The following GFRA1 variants were observed in gnomAD, a reference collection of about 807,000 sequenced individuals.
GFRA1 encodes GDNF family receptor alpha 1.
GFRA1 carries 16 observed loss-of-function variants against 51.6 expected under a neutral mutation model. The observed-to-expected ratio is 0.31, with a 90% CI of 0.21 to 0.47. GFRA1 has a LOEUF of 0.47. GFRA1 is among the 20% of genes least tolerant of loss of function. The probability of loss-of-function intolerance (pLI) is 1.00; values close to 1 mark genes in which losing one functional copy is unlikely to be tolerated. For synonymous variants in GFRA1, 270 were observed against 241.3 expected, an observed-to-expected ratio of 1.12 and a Z score of -1.10; for missense variants, 530 against 594.3, an observed-to-expected ratio of 0.89 and a Z score of 1.13.
chr10:116,215,850 G>A (rs770473692), intron 4 of GFRA1, among the ~76,000 whole-genome samples: 7 of 152,092 alleles, frequency 4.6e-5, no homozygotes, highest in African/African-American at 7.2e-5. Flanking sequence ...CATGGACAAA[G>A]GAAAGCCTGT....
chr10:116,183,278 C>T (rs149574065), intron 5 of GFRA1, among the ~76,000 whole-genome samples: 1 of 152,302 alleles, frequency 6.6e-6, no homozygotes, highest in African/African-American at 2.4e-5. Flanking sequence ...GTACCCCACA[C>T]TGGAAATCAA....
chr10:116,261,587 G>GC (rs1328726633), intron 4 of GFRA1, among the ~76,000 whole-genome samples: 2 of 151,964 alleles, frequency 1.3e-5, no homozygotes, highest in African/African-American at 4.8e-5. Context: ...CAAATAAGAT[G>GC]CCTTAAATAC....
At chr10:116,209,085 T>C (rs955512935) in intron 5 of GFRA1, among the ~76,000 whole-genome samples, 1 of 152,088 alleles carries the variant, frequency 6.6e-6, no homozygotes, top group Non-Finnish European at 1.5e-5. Flanking sequence ...TCAGACTCTG[T>C]GGTCTAAGCA....
chr10:116,230,787 T>G (rs150394591), intron 4 of GFRA1, among the ~76,000 whole-genome samples: 1 of 152,064 alleles, frequency 6.6e-6, no homozygotes, highest in Non-Finnish European at 1.5e-5. Flanking sequence ...TTATCAAAGC[T>G]ATCAGTGAGT....
intron 5 of GFRA1, among the ~76,000 whole-genome samples, chr10:116,182,961 G>A (rs549239790): frequency 1.8e-4 from 28 of 152,284 alleles, no homozygotes; most frequent in African/African-American, 6.7e-4. Context: ...GTGATGACCT[G>A]GCACAGTGTA....
chr10:116,229,239 A>G (rs187774320), intron 4 of GFRA1, among the ~76,000 whole-genome samples: 19 of 152,296 alleles, frequency 1.2e-4, no homozygotes, highest in Middle Eastern at 3.4e-3. Flanking sequence ...ATACACAACC[A>G]AACAGTGGGG....
At position 116,224,969 on chromosome 10, in the gene GFRA1, C is replaced by A. The variant is rs201600131; in HGVS notation, c.419-13324G>T. Among the ~76,000 whole-genome samples the A allele has an allele frequency of 1.7e-4, 26 of 152,250 alleles. No individual in the cohort carries two copies. In the East Asian group the frequency reaches 4.1e-3, roughly 24 times the overall value. On this transcript the variant is annotated intron_variant, in intron 4 of 10. Coordinates refer to ENST00000355422, the MANE Select transcript of GFRA1 (RefSeq NM_005264.8). Reference sequence around the variant, plus strand: ...TATGAACACATCTGAAGAACACACTCAAATGCTAGACACTATAGCTAGAGA... The same window carrying A: ...TATGAACACATCTGAAGAACACACTAAAATGCTAGACACTATAGCTAGAGA...
intron 5 of GFRA1, among the ~76,000 whole-genome samples, chr10:116,202,533 G>A (rs1205511099): frequency 6.6e-6 from 1 of 152,094 alleles, no homozygotes; most frequent in African/African-American, 2.4e-5. Flanking sequence ...CCGAGACTGG[G>A]TAATTCATAA....
At chr10:116,198,183 C>T (rs1168506334) in intron 5 of GFRA1, among the ~76,000 whole-genome samples, 3 of 152,076 alleles carry the variant, frequency 2.0e-5, no homozygotes, top group Non-Finnish European at 4.4e-5. Flanking sequence ...AGACCTCCCT[C>T]CCCAACGCCC....
intron 9 of GFRA1, among the ~76,000 whole-genome samples, chr10:116,068,214 A>G (rs1955206060): frequency 6.6e-6 from 1 of 152,196 alleles, no homozygotes; most frequent in South Asian, 2.1e-4. Context: ...CAGTCCACAC[A>G]CAGGACTCTA....
At chr10:116,249,381 G>A (rs747714228) in intron 4 of GFRA1, among the ~76,000 whole-genome samples, 76 of 152,066 alleles carry the variant, frequency 5.0e-4, no homozygotes, top group Non-Finnish European at 9.4e-4. Flanking sequence ...TGCAGATGTC[G>A]CCCCCAACAC....
chr10:116,107,992 T>C (rs2694798), intron 6 of GFRA1, among the ~76,000 whole-genome samples: 41,900 of 151,822 alleles, frequency 0.28, 7,338 homozygotes, highest in African/African-American at 0.5. Context: ...CCAAGTTCCG[T>C]GCCTTGGAAT....
intron 5 of GFRA1, among the ~76,000 whole-genome samples, chr10:116,143,980 T>C (rs1360299220): frequency 1.3e-5 from 2 of 152,180 alleles, no homozygotes; most frequent in Non-Finnish European, 2.9e-5. Context: ...AGGCTCTGAA[T>C]GACATCCCAT....
rs575832478 is a variant in GFRA1, at chr10:116,183,522, CCT to C, written c.433+28107_433+28108del. Among the ~76,000 whole-genome samples, 321 of 152,292 alleles carry C rather than the reference CCT, an allele frequency of 2.1e-3. 1 individual carries two copies. The highest frequency in any genetic ancestry group is 7.4e-3 in the African/African-American group (307 of 41,578). ...CTGAAATCATGGCCCCACTCCCACC[CCT>C]GAGTAGTTTTAGGCACCAAGAGGGC... On this transcript the variant is annotated intron_variant, in intron 5 of 10. Transcript: ENST00000355422.
At chr10:116,144,938 C>T (rs1335335424) in intron 5 of GFRA1, among the ~76,000 whole-genome samples, 1 of 151,880 alleles carries the variant, frequency 6.6e-6, no homozygotes, top group Non-Finnish European at 1.5e-5. Context: ...CATCTGAGGT[C>T]AGGAGTTCGA....
chr10:116,196,578 A>AC (rs369419291), intron 5 of GFRA1, among the ~76,000 whole-genome samples: 1 of 41,180 alleles, frequency 2.4e-5, no homozygotes, highest in African/African-American at 7.9e-5. Context: ...AATATATATA[A>AC]TATATAGTAC....
chr10:116,237,887 G>C (rs1437417878), intron 4 of GFRA1, among the ~76,000 whole-genome samples: 9 of 152,118 alleles, frequency 5.9e-5, no homozygotes, highest in Admixed American at 5.9e-4. Flanking sequence ...GGGTTCCTAG[G>C]GGCAAACAAC....
intron 5 of GFRA1, among the ~76,000 whole-genome samples, chr10:116,192,574 A>G (rs1207727824): frequency 6.6e-6 from 1 of 152,200 alleles, no homozygotes; most frequent in Admixed American, 6.5e-5. Context: ...ACAGAGTCAA[A>G]CTGTAGACTC....
chr10:116,189,597 T>C (rs1037868775), intron 5 of GFRA1, among the ~76,000 whole-genome samples: 1 of 152,182 alleles, frequency 6.6e-6, no homozygotes, highest in African/African-American at 2.4e-5. Flanking sequence ...CATAGCAGAA[T>C]TATTACATAA....
Sources: allele counts gnomAD v4.1 joint callset (sites outside exome capture counted in the v4.1 genomes callset), GRCh38; gene constraint gnomAD v4.1.1; transcripts MANE v1.5; gene names NCBI Gene and HGNC (gene_info 2026-07-23, HGNC 2026-07-21).